The following CFAP263 variants were observed in gnomAD, a reference collection of about 807,000 sequenced individuals.
CFAP263 encodes the protein cilia- and flagella-associated protein 263.
chr16:58,257,833 C>T, the CFAP263 span, among the ~76,000 whole-genome samples: 122 of 152,196 alleles, frequency 8.0e-4, no homozygotes, highest in Non-Finnish European at 1.3e-3. Context: ...CTTGGCCAGG[C>T]GCGGTGGCTC....
chr16:58,270,420 G>A, the CFAP263 span, among the ~76,000 whole-genome samples: 28 of 151,890 alleles, frequency 1.8e-4, no homozygotes, highest in African/African-American at 6.0e-4. Context: ...GGGTTATATC[G>A]GTACTCGAAG....
At chr16:58,264,901 G>A in the CFAP263 span, among the ~76,000 whole-genome samples, 7 of 152,218 alleles carry the variant, frequency 4.6e-5, no homozygotes, top group South Asian at 1.0e-3. Context: ...CTCCACAAGG[G>A]TAGGCACTGG....
chr16:58,268,798 A>C, the CFAP263 span, among the ~76,000 whole-genome samples: 1 of 152,218 alleles, frequency 6.6e-6, no homozygotes, highest in African/African-American at 2.4e-5. Flanking sequence ...TTATTAGATT[A>C]CAAGTAAAAC....
At chr16:58,278,693 T>G in the CFAP263 span, 2 of 1,557,404 alleles carry the variant, frequency 1.3e-6, no homozygotes, top group Non-Finnish European at 1.8e-6. Context: ...ACGTTTTCAC[T>G]TAGGATTTTG....
At chr16:58,270,358 T>C in the CFAP263 span, among the ~76,000 whole-genome samples, 4 of 152,150 alleles carry the variant, frequency 2.6e-5, no homozygotes, top group Non-Finnish European at 5.9e-5. Flanking sequence ...TAATAGGATG[T>C]TGAATGTCCC....
At chr16:58,249,958 GCCGGCAC>G in the CFAP263 span, 1 of 1,221,560 alleles carries the variant, frequency 8.2e-7, no homozygotes, top group Non-Finnish European at 1.2e-6. Flanking sequence ...ACGCGTGGCC[GCCGGCAC>G]CCGGAGCTCC....
At chr16:58,261,025 C>G in the CFAP263 span, among the ~76,000 whole-genome samples, 3 of 152,130 alleles carry the variant, frequency 2.0e-5, no homozygotes, top group Non-Finnish European at 4.4e-5. Context: ...TAGCCTTTCT[C>G]TACTCTGTCT....
the CFAP263 span, among the ~76,000 whole-genome samples, chr16:58,251,850 CACACAT>C: frequency 6.6e-6 from 1 of 152,182 alleles, no homozygotes. Context: ...GTAACACACA[CACACAT>C]ACACACGTAT....
chr16:58,262,268 C>T, the CFAP263 span: 508,487 of 930,060 alleles, frequency 0.55, 141,112 homozygotes, highest in African/African-American at 0.64. Context: ...TATGTGTTTG[C>T]TGAATGACTG....
the CFAP263 span, among the ~76,000 whole-genome samples, chr16:58,264,401 AAC>A: frequency 2.0e-5 from 3 of 152,194 alleles, no homozygotes; most frequent in Non-Finnish European, 4.4e-5. Flanking sequence ...GATGGGTCTA[AAC>A]ACACAGTGCA....
At chr16:58,263,879 T>G in the CFAP263 span, among the ~76,000 whole-genome samples, 2 of 152,168 alleles carry the variant, frequency 1.3e-5, no homozygotes, top group Non-Finnish European at 2.9e-5. Context: ...CTTGGGAGGC[T>G]GAGGCATAAG....
At chr16:58,253,619 G>A in the CFAP263 span, among the ~76,000 whole-genome samples, 2 of 152,168 alleles carry the variant, frequency 1.3e-5, no homozygotes, top group African/African-American at 2.4e-5. Context: ...CTGTTTTGCT[G>A]AACACAGTCC....
the CFAP263 span, chr16:58,262,288 T>C: frequency 1.8e-6 from 2 of 1,142,782 alleles, no homozygotes; most frequent in Non-Finnish European, 2.5e-6. Context: ...GAATGATGAC[T>C]GACCTCCAAA....
chr16:58,273,797 C>A, the CFAP263 span, among the ~76,000 whole-genome samples: 1 of 152,042 alleles, frequency 6.6e-6, no homozygotes, highest in African/African-American at 2.4e-5. Context: ...GATATTGGTC[C>A]CTCCCATCCC....
At chr16:58,278,617 A>T in the CFAP263 span, 2 of 1,614,204 alleles carry the variant, frequency 1.2e-6, no homozygotes, top group Non-Finnish European at 1.7e-6. Context: ...GATGTGGGAA[A>T]GGAAAGTGGA....
chr16:58,252,637 G>A, the CFAP263 span: 2 of 1,124,976 alleles, frequency 1.8e-6, no homozygotes, highest in Non-Finnish European at 2.6e-6. Context: ...AGGGGCTAAC[G>A]GGTTTTGCAG....
the CFAP263 span, chr16:58,258,420 A>G: frequency 6.8e-6 from 11 of 1,614,016 alleles, no homozygotes; most frequent in Non-Finnish European, 9.3e-6. Flanking sequence ...AGAGAAGTGC[A>G]TGAGTTTGAA....
the CFAP263 span, among the ~76,000 whole-genome samples, chr16:58,274,063 T>C: frequency 5.3e-5 from 8 of 152,230 alleles, no homozygotes; most frequent in African/African-American, 1.9e-4. Context: ...GCCATCAGCC[T>C]TCATTAATTG....
At chr16:58,252,770 A>G in the CFAP263 span, 1 of 1,613,512 alleles carries the variant, frequency 6.2e-7, no homozygotes, top group Non-Finnish European at 8.5e-7. Flanking sequence ...GATGTTTGAG[A>G]AATATTACGC....
Sources: allele counts gnomAD v4.1 joint callset (sites outside exome capture counted in the v4.1 genomes callset), GRCh38; gene constraint gnomAD v4.1.1; transcripts MANE v1.5; gene names NCBI Gene and HGNC (gene_info 2026-07-23, HGNC 2026-07-21).